The following CECR2 variants were observed in gnomAD, a reference collection of about 807,000 sequenced individuals.
CECR2 encodes chromatin remodeling regulator CECR2.
CECR2 carries 30 observed loss-of-function variants against 154.5 expected under a neutral mutation model. The ratio of observed to expected loss-of-function variants is 0.19; its 90% CI spans 0.15 to 0.26. CECR2 has a LOEUF of 0.26. Among genes scored for constraint, CECR2 ranks in the 10% least tolerant of loss-of-function variants. The pLI, the probability that CECR2 is intolerant of heterozygous loss-of-function variation, is 1.00. For synonymous variants in CECR2, 725 were observed against 683.7 expected, an observed-to-expected ratio of 1.06 and a Z score of -0.94; for missense variants, 1,743 against 1,829.3, an observed-to-expected ratio of 0.95 and a Z score of 0.86.
At chr22:17,476,954 C>T (rs1220057804) in intron 1 of CECR2, 2 of 530,126 alleles carry the variant, frequency 3.8e-6, no homozygotes, top group South Asian at 2.8e-5. Context: ...CAAGCTGAAC[C>T]CCAAGGAAAG....
chr22:17,537,385 C>T (rs953512083), intron 10 of CECR2, among the ~76,000 whole-genome samples, 153 bp downstream of exon 10: 17 of 152,278 alleles, frequency 1.1e-4, no homozygotes, highest in Admixed American at 2.0e-4. Context: ...CACACAGACA[C>T]GCCTAGCTAC....
intron 16 of CECR2, among the ~76,000 whole-genome samples, chr22:17,547,875 G>A (rs763115474): frequency 2.0e-5 from 3 of 152,108 alleles, no homozygotes; most frequent in Non-Finnish European, 4.4e-5. Flanking sequence ...CTTACGAATC[G>A]GGCAACCCAC....
chr22:17,469,074 A>G (rs931711700), intron 1 of CECR2, among the ~76,000 whole-genome samples: 1 of 149,526 alleles, frequency 6.7e-6, no homozygotes, highest in African/African-American at 2.5e-5. Context: ...TAGTGATTAT[A>G]CAGAAAATTT....
chr22:17,514,933 G>C (rs538589613), intron 8 of CECR2, among the ~76,000 whole-genome samples: 2 of 151,016 alleles, frequency 1.3e-5, no homozygotes, highest in South Asian at 4.2e-4. Flanking sequence ...CTTGGGAGGA[G>C]AATGGCGTGA....
At chr22:17,457,507 G>C (rs2054872733) in intron 1 of CECR2, among the ~76,000 whole-genome samples, 1 of 152,114 alleles carries the variant, frequency 6.6e-6, no homozygotes, top group Non-Finnish European at 1.5e-5. Context: ...TTCTTGTCAG[G>C]AACTCTTCAC....
chr22:17,363,461 G>T (rs1412344926), intron 1 of CECR2, among the ~76,000 whole-genome samples: 1 of 152,076 alleles, frequency 6.6e-6, no homozygotes, highest in Non-Finnish European at 1.5e-5. Context: ...GCCTGCCTTG[G>T]CCTCCCAAAG....
chr22:17,365,287 C>G (rs754293352), upstream of CECR2, among the ~76,000 whole-genome samples: 4 of 152,116 alleles, frequency 2.6e-5, no homozygotes, highest in Admixed American at 6.6e-5. Flanking sequence ...ATGAAGAAGC[C>G]ACACTTTCCT....
intron 1 of CECR2, among the ~76,000 whole-genome samples, chr22:17,449,324 C>A (rs75823380): frequency 3.6e-4 from 54 of 152,080 alleles, no homozygotes; most frequent in African/African-American, 1.3e-3. Flanking sequence ...ACCTGTTTGT[C>A]TGTTTCTCGG....
chr22:17,370,989 A>G (rs2063053922), intron 1 of CECR2, among the ~76,000 whole-genome samples: 1 of 152,156 alleles, frequency 6.6e-6, no homozygotes, highest in Non-Finnish European at 1.5e-5. Context: ...TCGCCGACGC[A>G]GTAATCAAAA....
chr22:17,382,109 CT>C lies in CECR2; in HGVS notation c.126+12202del, dbSNP rs1433016482. Reference sequence around the variant, plus strand: ...GTTTCGCCGTGTTAGCCAGGATGGTCTTGATCTCCTGACCTTGTGATCCGCC... The same window carrying C: ...GTTTCGCCGTGTTAGCCAGGATGGTCTGATCTCCTGACCTTGTGATCCGCC... On this transcript the variant is annotated intron_variant, in intron 1 of 18. Transcript: ENST00000262608. 6.0e-5 allele frequency among the ~76,000 whole-genome samples: 9 copies of C among 151,166 alleles called. No individual in the cohort carries two copies. In the South Asian group the frequency reaches 1.5e-3, roughly 25 times the overall value.
intron 1 of CECR2, among the ~76,000 whole-genome samples, chr22:17,396,242 CAA>C (rs543939674): frequency 1.8e-4 from 16 of 91,270 alleles, no homozygotes; most frequent in Non-Finnish European, 2.3e-4. Flanking sequence ...GACCCTTTCT[CAA>C]AAAAAAAAAA....
intron 1 of CECR2, among the ~76,000 whole-genome samples, chr22:17,422,779 C>T (rs1188725543): frequency 7.3e-5 from 11 of 150,922 alleles, no homozygotes; most frequent in Admixed American, 5.3e-4. Context: ...TTTTTTTCAG[C>T]GGTGTCCACT....
At chr22:17,481,966 A>T (rs1366721522) in intron 2 of CECR2, among the ~76,000 whole-genome samples, 1 of 151,688 alleles carries the variant, frequency 6.6e-6, no homozygotes, top group African/African-American at 2.4e-5. Context: ...GATACAAAAA[A>T]GTAGCCGGGC....
intron 1 of CECR2, among the ~76,000 whole-genome samples, chr22:17,387,802 G>C (rs2063282553): frequency 6.6e-6 from 1 of 152,134 alleles, no homozygotes; most frequent in East Asian, 1.9e-4. Context: ...TAGCCAAGGG[G>C]CGTTTGGGTT....
At chr22:17,429,119 G>T (rs1005927357) in intron 1 of CECR2, among the ~76,000 whole-genome samples, 1 of 152,058 alleles carries the variant, frequency 6.6e-6, no homozygotes, top group African/African-American at 2.4e-5. Flanking sequence ...TGGGATAGGG[G>T]AGAGTCTGGA....
rs777261624 is a variant in CECR2, at chr22:17,540,643, C to T, written c.1727C>T (p.Ser576Leu). 2.5e-6 allele frequency: 4 copies of T among 1,613,882 alleles called. No homozygotes were observed. The highest frequency in any genetic ancestry group is 1.7e-5 in the Admixed American group (1 of 60,006). Residue 576 changes from serine to leucine, a missense_variant, in exon 14 of 19, where the codon TCG (serine) becomes TTG (leucine). This residue lies in a region of CECR2 where 1,250 missense variants were observed against 1,192.1 expected (regional missense o/e 1.05). Transcript: ENST00000262608. The part of the protein sequence containing the change: ...KQQPMENGGK[S>L]LPPTRRAPSS... ...CAGCCCATGGAGAATGGAGGAAAGT[C>T]GTTGCCCCCCACACGCCGAGCGCCC...
chr22:17,425,969 G>T (rs974618), intron 1 of CECR2, among the ~76,000 whole-genome samples: 49,672 of 152,006 alleles, frequency 0.33, 8,461 homozygotes, highest in African/African-American at 0.43. Context: ...GGGTGGCTGA[G>T]ATACAGAGGA....
intron 1 of CECR2, among the ~76,000 whole-genome samples, chr22:17,465,703 A>G (rs1164050071): frequency 6.7e-6 from 1 of 148,890 alleles, no homozygotes; most frequent in Non-Finnish European, 1.5e-5. Flanking sequence ...CAGGCTGGTC[A>G]TGAACTCCTG....
chr22:17,460,211 T>A (rs919691773), intron 1 of CECR2, among the ~76,000 whole-genome samples: 2 of 152,082 alleles, frequency 1.3e-5, no homozygotes, highest in Non-Finnish European at 2.9e-5. Flanking sequence ...TTGGAAAAAA[T>A]TTAGATTTAA....
Sources: allele counts gnomAD v4.1 joint callset (sites outside exome capture counted in the v4.1 genomes callset), GRCh38; gene constraint gnomAD v4.1.1; regional missense constraint gnomAD v4.1.1; transcripts MANE v1.5; gene names NCBI Gene and HGNC (gene_info 2026-07-23, HGNC 2026-07-21).